The following PDCD10 variants were observed in gnomAD, a reference collection of about 807,000 sequenced individuals.
PDCD10 encodes programmed cell death 10.
PDCD10 carries 4 observed loss-of-function variants against 29.2 expected under a neutral mutation model. The observed-to-expected ratio is 0.14, with a 90% CI of 0.07 to 0.31. The LOEUF is 0.31. Among genes scored for constraint, PDCD10 ranks in the 10% least tolerant of loss-of-function variants. The probability of loss-of-function intolerance (pLI) is 1.00; values close to 1 mark genes in which losing one functional copy is unlikely to be tolerated. For synonymous variants in PDCD10, 70 were observed against 82.2 expected, an observed-to-expected ratio of 0.85 and a Z score of 0.80; for missense variants, 183 against 257.9, an observed-to-expected ratio of 0.71 and a Z score of 1.99.
intron 5 of PDCD10, among the ~76,000 whole-genome samples, chr3:167,696,123 A>C (rs950516962): frequency 1.3e-5 from 2 of 152,216 alleles, no homozygotes; most frequent in African/African-American, 4.8e-5. Flanking sequence ...CTACTTGCCA[A>C]CTGGAAAGAT....
At chr3:167,703,217 C>T (rs544680330) in intron 4 of PDCD10, among the ~76,000 whole-genome samples, 2 of 152,062 alleles carry the variant, frequency 1.3e-5, no homozygotes, top group East Asian at 3.9e-4. Flanking sequence ...CATCATGTCT[C>T]CCTAATGACC....
chr3:167,698,479 C>T (rs776077750), intron 4 of PDCD10, among the ~76,000 whole-genome samples: 1 of 151,816 alleles, frequency 6.6e-6, no homozygotes, highest in Non-Finnish European at 1.5e-5. Flanking sequence ...GTGGCTGCAG[C>T]GAGCTATGAT....
chr3:167,696,514 T>A (rs1054302912), intron 5 of PDCD10, among the ~76,000 whole-genome samples: 4 of 152,194 alleles, frequency 2.6e-5, no homozygotes, highest in Non-Finnish European at 5.9e-5. Flanking sequence ...GGAAAACTGC[T>A]ACTAAACTTA....
intron 4 of PDCD10, among the ~76,000 whole-genome samples, chr3:167,700,960 G>C (rs1176528968): frequency 6.6e-6 from 1 of 152,162 alleles, no homozygotes; most frequent in Non-Finnish European, 1.5e-5. Flanking sequence ...AGAGAAGTGA[G>C]CACCAGAATT....
At chr3:167,726,114 GTTTTTTTTTTTTTTT>G (rs751342370) in intron 2 of PDCD10, among the ~76,000 whole-genome samples, 3 of 85,766 alleles carry the variant, frequency 3.5e-5, no homozygotes, top group Admixed American at 1.5e-4. Flanking sequence ...GTAGAGTACT[GTTTTTTTTTTTTTTT>G]TTTTTTTTTG....
intron 2 of PDCD10, among the ~76,000 whole-genome samples, chr3:167,729,745 T>C (rs1028325091): frequency 3.9e-5 from 6 of 152,290 alleles, no homozygotes; most frequent in Middle Eastern, 3.4e-3. Context: ...TCACAAGTAA[T>C]ATGCATTCAA....
intron 5 of PDCD10, among the ~76,000 whole-genome samples, chr3:167,696,252 C>A (rs1720796773): frequency 6.6e-6 from 1 of 152,122 alleles, no homozygotes; most frequent in African/African-American, 2.4e-5. Flanking sequence ...AACACCAGCA[C>A]AAATCCAACA....
intron 3 of PDCD10, among the ~76,000 whole-genome samples, chr3:167,713,154 C>T (rs954243766): frequency 1.3e-5 from 2 of 151,980 alleles, no homozygotes; most frequent in Non-Finnish European, 2.9e-5. Context: ...TTCTTTTCCC[C>T]AGCACATGGA....
chr3:167,690,634 T>C (rs537838038), intron 6 of PDCD10, among the ~76,000 whole-genome samples: 1 of 152,330 alleles, frequency 6.6e-6, no homozygotes, highest in Non-Finnish European at 1.5e-5. Context: ...GCACACACAT[T>C]CATTGATCAA....
At chr3:167,728,508 C>A (rs1003218289) in intron 2 of PDCD10, among the ~76,000 whole-genome samples, 3 of 152,174 alleles carry the variant, frequency 2.0e-5, no homozygotes, top group African/African-American at 7.2e-5. Context: ...CAGGGAGACC[C>A]ATTTCAGTGC....
At chr3:167,699,937 T>C (rs568002348) in intron 4 of PDCD10, among the ~76,000 whole-genome samples, 34 of 152,224 alleles carry the variant, frequency 2.2e-4, no homozygotes, top group African/African-American at 7.9e-4. Flanking sequence ...TAAAAACACA[T>C]GTTATGAATG....
At position 167,720,218 on chromosome 3, in the gene PDCD10, C is replaced by A; in HGVS notation, c.-61G>T. 2 of 1,043,278 alleles carry A rather than the reference C, an allele frequency of 1.9e-6. No homozygotes were observed. Among genetic ancestry groups the A allele is most frequent in the South Asian group, 1.3e-5 (1 of 78,988 alleles). 64.6% of individuals were successfully genotyped at this position (1,043,278 alleles called of 1,614,324 possible). On this transcript the variant is annotated 5_prime_UTR_variant, in exon 3 of 9. Transcript: ENST00000392750. ...AATGCAGAGGAATCTTCATTCACTG[C>A]AATATTTCTTCTCTTTTTTGGTGAT...
At chr3:167,695,799 TG>T in intron 5 of PDCD10, 77 bp from the exon 6 acceptor site, 1 of 1,471,432 alleles carries the variant, frequency 6.8e-7, no homozygotes, top group Non-Finnish European at 9.5e-7. Context: ...TTTCCAATGT[TG>T]GTCAAAGGCA....
chr3:167,704,595 A>G, intron 4 of PDCD10: 1 of 394,718 alleles, frequency 2.5e-6, no homozygotes. Flanking sequence ...TCTACAGCTA[A>G]GGAGAGAACA....
intron 2 of PDCD10, among the ~76,000 whole-genome samples, chr3:167,723,951 G>A (rs1337027204): frequency 2.0e-5 from 3 of 152,152 alleles, no homozygotes; most frequent in African/African-American, 7.2e-5. Flanking sequence ...ATCTTCCTGA[G>A]CTGAAGATAA....
intron 2 of PDCD10, among the ~76,000 whole-genome samples, chr3:167,729,063 T>C (rs1165835536): frequency 1.3e-5 from 2 of 152,196 alleles, no homozygotes; most frequent in Non-Finnish European, 2.9e-5. Context: ...ATGAGACAGA[T>C]AAGAAACGTG....
intron 2 of PDCD10, chr3:167,731,100 A>C (rs1724757638): frequency 6.6e-6 from 1 of 152,170 alleles, no homozygotes; most frequent in African/African-American, 2.4e-5. Context: ...AATTTAATTA[A>C]ACTTTTTTTA....
At chr3:167,712,484 CA>C (rs1722615293) in intron 3 of PDCD10, among the ~76,000 whole-genome samples, 2 of 150,972 alleles carry the variant, frequency 1.3e-5, no homozygotes, top group South Asian at 2.1e-4. Flanking sequence ...AAATAAAAAG[CA>C]AAAAATTAAA....
At chr3:167,714,425 A>AC (rs1194449432) in intron 3 of PDCD10, among the ~76,000 whole-genome samples, 17 of 152,174 alleles carry the variant, frequency 1.1e-4, no homozygotes, top group African/African-American at 2.9e-4. Context: ...TCAACACAGT[A>AC]CTGGAAGTCC....
Sources: allele counts gnomAD v4.1 joint callset (sites outside exome capture counted in the v4.1 genomes callset), GRCh38; gene constraint gnomAD v4.1.1; transcripts MANE v1.5; gene names NCBI Gene and HGNC (gene_info 2026-07-23, HGNC 2026-07-21).